CNNM4: variants seen among roughly 807,000 people sequenced by gnomAD.
The protein encoded by CNNM4 is cyclin and CBS domain divalent metal cation transport mediator 4.
Under a neutral mutation model 53.7 loss-of-function variants are expected in CNNM4, and 32 were observed. The observed-to-expected ratio is 0.60, with a 90% CI of 0.45 to 0.80. The LOEUF is 0.80. Ranked by LOEUF, CNNM4 falls within the 30% of genes least tolerant of loss-of-function variation. The pLI, the probability that CNNM4 is intolerant of heterozygous loss-of-function variation, is 0.00. For missense variants in CNNM4, 784 were observed against 1,022.0 expected, an observed-to-expected ratio of 0.77 and a Z score of 3.17; for synonymous variants, 410 against 440.0, an observed-to-expected ratio of 0.93 and a Z score of 0.85.
intron 4 of CNNM4, 41 bp downstream of exon 4, chr2:96,799,267 G>C (rs1452527053): frequency 6.2e-7 from 1 of 1,611,516 alleles, no homozygotes; most frequent in South Asian, 1.1e-5. Flanking sequence ...TGCTCCCCCT[G>C]GCACTGCAGC....
chr2:96,779,323 A>G (rs1290517673), intron 1 of CNNM4, among the ~76,000 whole-genome samples: 4 of 152,092 alleles, frequency 2.6e-5, no homozygotes, highest in African/African-American at 9.7e-5. Context: ...AGCCTGGGCA[A>G]CATGGTGAAA....
Position 96,762,071 on chromosome 2 carries a change from G to T in CNNM4, c.1072G>T (p.Glu358Ter), listed in dbSNP as rs1349006932. The T allele has an allele frequency of 1.2e-6, 2 of 1,614,014 alleles. No individual in the cohort carries two copies. The highest frequency in any genetic ancestry group is 1.7e-6 in the Non-Finnish European group (2 of 1,180,052). The change falls in exon 1 of 7, where the codon GAG (glutamate) becomes TAG (stop). Residue 358 changes from glutamate to a stop codon, truncating the protein, a stop_gained. Transcript: ENST00000377075. LOFTEE classifies it high-confidence loss of function. ...GCCCTATAATGACCTCGTGAAAGAG[G>T]AGCTCAATATGATCCAGGGTGCCCT... is the stretch of plus-strand genomic sequence containing the variant. ...TEPYNDLVKE[E>*]LNMIQGALEL...
intron 5 of CNNM4, among the ~76,000 whole-genome samples, chr2:96,806,866 C>A (rs1005196404): frequency 2.6e-5 from 4 of 152,078 alleles, no homozygotes; most frequent in African/African-American, 7.2e-5. Flanking sequence ...AACTCTTATT[C>A]GAGATTCGAG....
chr2:96,772,771 A>G (rs1314544170), intron 1 of CNNM4, among the ~76,000 whole-genome samples: 1 of 138,696 alleles, frequency 7.2e-6, no homozygotes, highest in African/African-American at 2.8e-5. Flanking sequence ...AGGCACAGGC[A>G]GGCGCTCACA....
chr2:96,768,872 G>A (rs993100223), intron 1 of CNNM4, among the ~76,000 whole-genome samples: 1 of 152,318 alleles, frequency 6.6e-6, no homozygotes, highest in Middle Eastern at 3.4e-3. Context: ...CCACACCAGT[G>A]TGCAGTAACA....
chr2:96,765,972 TG>T (rs1349602722), intron 1 of CNNM4, among the ~76,000 whole-genome samples: 1 of 151,478 alleles, frequency 6.6e-6, no homozygotes, highest in Non-Finnish European at 1.5e-5. Flanking sequence ...TTAGTAGAGA[TG>T]GGGTTTCACC....
chr2:96,763,262 GT>G (rs1558977998), intron 1 of CNNM4, among the ~76,000 whole-genome samples: 1 of 152,114 alleles, frequency 6.6e-6, no homozygotes, highest in East Asian at 1.9e-4. Context: ...CATTTCGCAG[GT>G]AGTTAGAGAG....
intron 1 of CNNM4, among the ~76,000 whole-genome samples, chr2:96,792,743 G>A (rs1390051704): frequency 6.6e-6 from 1 of 152,068 alleles, no homozygotes; most frequent in African/African-American, 2.4e-5. Context: ...GGTGGAGGTT[G>A]CAGTGAGCTG....
intron 5 of CNNM4, among the ~76,000 whole-genome samples, chr2:96,803,890 C>G (rs2079179276): frequency 6.6e-6 from 1 of 152,048 alleles, no homozygotes; most frequent in Middle Eastern, 3.4e-3. Context: ...TTTCTAGGAC[C>G]TCTGTTTTTT....
At chr2:96,782,710 C>G (rs2078985013) in intron 1 of CNNM4, among the ~76,000 whole-genome samples, 1 of 152,064 alleles carries the variant, frequency 6.6e-6, no homozygotes, top group African/African-American at 2.4e-5. Flanking sequence ...CATTTGGAAA[C>G]AGTATATGAT....
At chr2:96,781,022 A>G (rs575981413) in intron 1 of CNNM4, among the ~76,000 whole-genome samples, 52 of 112,810 alleles carry the variant, frequency 4.6e-4, no homozygotes, top group African/African-American at 1.8e-3. Flanking sequence ...TGTGTTGCCC[A>G]GGCTGGAATG....
At chr2:96,790,441 A>G (rs1574072660) in intron 1 of CNNM4, among the ~76,000 whole-genome samples, 1 of 147,294 alleles carries the variant, frequency 6.8e-6, no homozygotes, top group Non-Finnish European at 1.5e-5. Flanking sequence ...TGCAACCTCC[A>G]CCTCCCAGAT....
At chr2:96,798,987 C>T (rs1023187046) in intron 3 of CNNM4, 70 bp from the exon 4 acceptor site, 2 of 1,476,954 alleles carry the variant, frequency 1.4e-6, no homozygotes, top group Non-Finnish European at 1.9e-6. Flanking sequence ...GGGGTGGAGG[C>T]ACAGCAGTGA....
intron 6 of CNNM4, 157 bp from the exon 7 acceptor site, chr2:96,809,163 T>G: frequency 6.7e-7 from 1 of 1,493,444 alleles, no homozygotes; most frequent in Non-Finnish European, 9.0e-7. Context: ...TCTTCTCTTG[T>G]TCGTGCACCT....
In CNNM4 at chr2:96,787,579, C is replaced by T. The variant is rs77116796; in HGVS notation, c.1403-9433C>T. Reference sequence around the variant, plus strand: ...TTGGAGTTTATTTCTGTCCATAAGCCAGGCATGGTGACTCACGCCTACAGT... The same window carrying T: ...TTGGAGTTTATTTCTGTCCATAAGCTAGGCATGGTGACTCACGCCTACAGT... On this transcript the variant is annotated intron_variant, in intron 1 of 6. Transcript: ENST00000377075. Among the ~76,000 whole-genome samples, 1,313 of 152,198 alleles carry T rather than the reference C, an allele frequency of 8.6e-3. 14 individuals are homozygous for T. The highest frequency in any genetic ancestry group is 0.03 in the African/African-American group (1,263 of 41,510).
At chr2:96,779,249 C>T (rs978215684) in intron 1 of CNNM4, among the ~76,000 whole-genome samples, 17 of 152,272 alleles carry the variant, frequency 1.1e-4, no homozygotes, top group African/African-American at 3.8e-4. Flanking sequence ...TGAGCCACCG[C>T]GCCTGGCCAA....
At position 96,799,285 on chromosome 2, in the gene CNNM4, A is replaced by G. The variant is rs563321680; in HGVS notation, c.1851+59A>G. The G allele has an allele frequency of 1.6e-4, 251 of 1,597,340 alleles. No individual in the cohort carries two copies. The African/African-American group carries it at 2.4e-3, about 15-fold the overall frequency. On this transcript the variant is annotated intron_variant, in intron 4 of 6. Coordinates refer to ENST00000377075, the MANE Select transcript of CNNM4 (RefSeq NM_020184.4). ...TCCCCCTGGCACTGCAGCAACCCCC[A>G]GGCCCTCTCTCCCACCTGCTGCGGA...
At chr2:96,785,172 C>T (rs188707841) in intron 1 of CNNM4, among the ~76,000 whole-genome samples, 44 of 152,268 alleles carry the variant, frequency 2.9e-4, no homozygotes, top group Non-Finnish European at 5.9e-4. Flanking sequence ...GCCACTGTGC[C>T]CAGCATTTAC....
At chr2:96,805,315 T>C (rs1237365046) in intron 5 of CNNM4, among the ~76,000 whole-genome samples, 1 of 151,052 alleles carries the variant, frequency 6.6e-6, no homozygotes, top group African/African-American at 2.4e-5. Flanking sequence ...ACTAGGAAAC[T>C]GTAGTTTCCT....
Sources: gnomAD v4.1 joint callset for allele counts (sites outside exome capture counted in the v4.1 genomes callset) on GRCh38, gnomAD v4.1.1 for gene constraint, MANE v1.5 for transcripts, NCBI Gene and HGNC (gene_info 2026-07-23, HGNC 2026-07-21) for gene names.